PUDP: variants seen among roughly 807,000 people sequenced by gnomAD.
PUDP encodes pseudouridine-5'-phosphatase.
In PUDP, 8 loss-of-function variants were observed where a neutral mutation model predicts 9.4. The observed-to-expected ratio is 0.85, with a 90% CI of 0.50 to 1.53. The LOEUF is 1.53. Ranked by LOEUF, PUDP falls within the 40% of genes most tolerant of loss-of-function variation. PUDP has a pLI of 0.00. For missense variants in PUDP, 188 were observed against 189.7 expected, an observed-to-expected ratio of 0.99 and a Z score of 0.05; for synonymous variants, 99 against 80.7, an observed-to-expected ratio of 1.23 and a Z score of -1.22.
intron 1 of PUDP, among the ~76,000 whole-genome samples, chrX:7,023,131 T>C (rs746907746): frequency 2.7e-5 from 3 of 112,190 alleles, no homozygotes; most frequent in Non-Finnish European, 5.6e-5. Context: ...TAGTGGGGAA[T>C]ATTTAGCTCC....
At chrX:7,055,359 C>T in intron 3 of PUDP, among the ~76,000 whole-genome samples, 1 of 111,357 alleles carries the variant, frequency 9.0e-6, no homozygotes, top group East Asian at 2.8e-4. Context: ...TCAAGCAATT[C>T]TCCTGCCTCA....
intron 3 of PUDP, among the ~76,000 whole-genome samples, chrX:7,062,049 TG>T (rs776962812): frequency 8.9e-6 from 1 of 112,490 alleles, no homozygotes; most frequent in Non-Finnish European, 1.9e-5. Flanking sequence ...TGTTTCTTCC[TG>T]TTTTTTTGTG....
intron 3 of PUDP, among the ~76,000 whole-genome samples, chrX:6,748,288 G>A (rs925636265): frequency 8.9e-6 from 1 of 111,832 alleles, no homozygotes; most frequent in African/African-American, 3.3e-5. Flanking sequence ...AATTGCTGGG[G>A]TTCCTGCAGG....
At chrX:6,777,379 A>AAAGTTCACTCC in intron 3 of PUDP, among the ~76,000 whole-genome samples, 1 of 111,964 alleles carries the variant, frequency 8.9e-6, no homozygotes, top group Middle Eastern at 4.6e-3. Flanking sequence ...AGTGCTTTGA[A>AAAGTTCACTCC]AAGTTCACTC....
At chrX:6,868,674 C>T (rs776655484) in intron 3 of PUDP, among the ~76,000 whole-genome samples, 1 of 112,016 alleles carries the variant, frequency 8.9e-6, no homozygotes, top group Non-Finnish European at 1.9e-5. Flanking sequence ...AGTAGAAAGC[C>T]TACTTTATTT....
intron 1 of PUDP, among the ~76,000 whole-genome samples, chrX:7,020,130 T>A (rs1466149467): frequency 9.0e-6 from 1 of 110,540 alleles, no homozygotes; most frequent in East Asian, 2.9e-4. Flanking sequence ...GAGGTTCTAG[T>A]GTGTGCCTAT....
chrX:6,821,148 C>T (rs142412662), intron 3 of PUDP, among the ~76,000 whole-genome samples: 2,209 of 111,015 alleles, frequency 0.02, 55 homozygotes, highest in African/African-American at 0.069. Flanking sequence ...TGAGACTGGG[C>T]GGCCATGGGA....
chrX:6,894,715 T>G (rs966874868), intron 3 of PUDP, among the ~76,000 whole-genome samples: 2 of 110,869 alleles, frequency 1.8e-5, no homozygotes, highest in Non-Finnish European at 3.8e-5. Context: ...AAGGATGGTG[T>G]GGGGGGGTTG....
chrX:6,900,330 G>C (rs986603159), intron 3 of PUDP, among the ~76,000 whole-genome samples: 6 of 106,851 alleles, frequency 5.6e-5, no homozygotes, highest in Admixed American at 4.0e-4. Flanking sequence ...ACCACTTGGG[G>C]GGGGGGGCGC....
rs960358601 is a variant in PUDP at position 6,850,846 on chromosome X, T to C, written c.*247+126287A>G. ...ATATACAGAAACATTAATCTGAGGT[T>C]AACCCAACAACCCAATGTAGACATG... On this transcript the variant is annotated intron_variant and NMD_transcript_variant, in intron 3 of 3. Coordinates refer to the PUDP transcript ENST00000655425. 4.5e-5 allele frequency among the ~76,000 whole-genome samples: 5 copies of C among 111,860 alleles called. No homozygotes were observed. In the Admixed American group the frequency reaches 4.7e-4, roughly 11 times the overall value.
chrX:6,822,155 G>A (rs373634178), intron 3 of PUDP, among the ~76,000 whole-genome samples: 7 of 111,245 alleles, frequency 6.3e-5, no homozygotes, highest in Admixed American at 1.9e-4. Flanking sequence ...GTGTGACCGC[G>A]TCCTAGTTTT....
intron 3 of PUDP, among the ~76,000 whole-genome samples, chrX:6,870,306 C>T (rs1927155759): frequency 8.9e-6 from 1 of 111,883 alleles, no homozygotes. Context: ...TGTCCCCACC[C>T]AAATCTCATC....
intron 3 of PUDP, among the ~76,000 whole-genome samples, chrX:6,746,030 C>T (rs1463052520): frequency 8.9e-6 from 1 of 112,234 alleles, no homozygotes; most frequent in Non-Finnish European, 1.9e-5. Flanking sequence ...CAAAGCCCCC[C>T]TGGGGCTGTG....
intron 3 of PUDP, among the ~76,000 whole-genome samples, chrX:6,949,624 T>C (rs745915875): frequency 8.0e-5 from 9 of 112,945 alleles, no homozygotes; most frequent in South Asian, 3.6e-4. Flanking sequence ...TTTTTCTGTT[T>C]ATAAATATTG....
At chrX:6,856,625 C>T (rs191648498) in intron 3 of PUDP, among the ~76,000 whole-genome samples, 16 of 112,127 alleles carry the variant, frequency 1.4e-4, no homozygotes, top group Admixed American at 4.7e-4. Flanking sequence ...CCTACACTGT[C>T]GCAAAACACT....
intron 3 of PUDP, chrX:7,057,641 A>G (rs2015726071): frequency 8.9e-7 from 1 of 1,126,295 alleles, no homozygotes; most frequent in Middle Eastern, 2.5e-4. Flanking sequence ...GTTTGAGGCC[A>G]TCGTGGGACA....
intron 3 of PUDP, among the ~76,000 whole-genome samples, chrX:6,735,536 T>A (rs1202956593): frequency 8.9e-6 from 1 of 112,445 alleles, no homozygotes; most frequent in Non-Finnish European, 1.9e-5. Context: ...AAGTATCACA[T>A]AGAAATAAAT....
intron 1 of PUDP, among the ~76,000 whole-genome samples, chrX:6,982,122 TAC>T (rs1929044258): frequency 1.1e-5 from 1 of 94,695 alleles, no homozygotes. Flanking sequence ...CACACACAAA[TAC>T]ACACACACAA....
At chrX:6,743,477 G>A (rs183205579) in intron 3 of PUDP, among the ~76,000 whole-genome samples, 39 of 111,854 alleles carry the variant, frequency 3.5e-4, no homozygotes, top group Non-Finnish European at 5.3e-4. Context: ...TTATTAATAC[G>A]TACAACCTGG....
Sources: gnomAD v4.1 joint callset for allele counts (sites outside exome capture counted in the v4.1 genomes callset) on GRCh38, gnomAD v4.1.1 for gene constraint, MANE v1.5 for transcripts, NCBI Gene and HGNC (gene_info 2026-07-23, HGNC 2026-07-21) for gene names.